EBF3: variants seen among roughly 807,000 people sequenced by gnomAD.
The protein encoded by EBF3 is EBF transcription factor 3, also known as transcription factor COE3.
Under a neutral mutation model 77.1 loss-of-function variants are expected in EBF3, and 18 were observed. That is an observed-to-expected ratio of 0.23 (90% CI 0.16 to 0.35). EBF3 has a LOEUF of 0.35. Ranked by LOEUF, EBF3 falls within the 10% of genes least tolerant of loss-of-function variation. EBF3 has a pLI of 1.00. For missense variants in EBF3, 558 were observed against 860.0 expected, an observed-to-expected ratio of 0.65 and a Z score of 4.39; for synonymous variants, 350 against 343.5, an observed-to-expected ratio of 1.02 and a Z score of -0.21.
At chr10:129,923,914 A>G (rs1856473408) in intron 6 of EBF3, among the ~76,000 whole-genome samples, 1 of 152,222 alleles carries the variant, frequency 6.6e-6, no homozygotes, top group South Asian at 2.1e-4. Context: ...TTTATCCAGA[A>G]TATAGAGAGA....
intron 4 of EBF3, 139 bp from the exon 5 acceptor site, chr10:129,959,146 CCCT>C (rs1859276843): frequency 1.9e-6 from 2 of 1,042,786 alleles, no homozygotes; most frequent in Non-Finnish European, 2.8e-6. Context: ...CCCTCGGCCA[CCCT>C]CCCGATGGGG....
Position 129,837,973 on chromosome 10 carries a change from AG to A in EBF3, c.1873-14del. ...AGCCCAGACATAGCTGCAAGACAGA[AG>A]GACAGAGCAGTTACTGCAGGCTCCC... On this transcript the variant is annotated splice_polypyrimidine_tract_variant and intron_variant, in intron 16 of 16. Transcript: ENST00000440978. 6.2e-7 allele frequency: 1 copy of A among 1,614,050 alleles called. No homozygotes were observed. Among genetic ancestry groups the A allele is most frequent in the Non-Finnish European group, 8.5e-7 (1 of 1,179,978 alleles).
At chr10:129,905,944 A>T (rs1855114322) in intron 6 of EBF3, among the ~76,000 whole-genome samples, 1 of 152,230 alleles carries the variant, frequency 6.6e-6, no homozygotes, top group Admixed American at 6.5e-5. Context: ...ATACTAGCCG[A>T]GTGTAAATTT....
At chr10:129,958,748 G>C (rs1589961734) in intron 5 of EBF3, among the ~76,000 whole-genome samples, 186 bp downstream of exon 5, 2 of 152,132 alleles carry the variant, frequency 1.3e-5, no homozygotes, top group South Asian at 4.1e-4. Context: ...CGCGTTGATC[G>C]TCAGCGCTGG....
chr10:129,892,537 C>T (rs1184848511), intron 6 of EBF3, among the ~76,000 whole-genome samples: 2 of 152,058 alleles, frequency 1.3e-5, no homozygotes, highest in East Asian at 1.9e-4. Context: ...GAGAGTGAGC[C>T]GTGTTGCATG....
Position 129,848,570 on chromosome 10 carries a change from T to C in EBF3, c.1040-90A>G. The C allele has an allele frequency of 2.2e-6, 3 of 1,376,922 alleles. No homozygotes were observed. The highest frequency in any genetic ancestry group is 2.9e-5 in the African/African-American group (2 of 69,944). 85.3% of individuals were successfully genotyped at this position (1,376,922 alleles called of 1,614,324 possible). A position where few individuals can be genotyped will look rare whatever the true frequency, so the allele number is the denominator to read the frequency against. ...TGCACACTTACAAATAAATGTGTAG[T>C]TCTCCTGCTCTGATGCTCTCTAAGG... On this transcript the variant is annotated intron_variant, in intron 10 of 16. Transcript: ENST00000440978. The surrounding 1 kb of genome is among the most constrained non-coding windows in gnomAD (Gnocchi z 4.4).
intron 8 of EBF3, among the ~76,000 whole-genome samples, chr10:129,871,495 G>A (rs1317076885): frequency 2.6e-5 from 4 of 152,178 alleles, no homozygotes; most frequent in Admixed American, 6.5e-5. Context: ...GAGGCTGCAC[G>A]CAAGCACAGA....
chr10:129,935,075 C>G lies in EBF3; in HGVS notation c.554+22183G>C, dbSNP rs1439293382. On this transcript the variant is annotated intron_variant, in intron 6 of 16. Coordinates refer to ENST00000440978, the MANE Select transcript of EBF3 (RefSeq NM_001375380.1). The surrounding 1 kb of genome is among the most constrained non-coding windows in gnomAD (Gnocchi z 4.2). ...AAATATCTCATGGGATGTACTCATC[C>G]TAACACATTAGCTGTAGCTGGTGGT... Among the ~76,000 whole-genome samples, 2 of 152,142 alleles carry G rather than the reference C, an allele frequency of 1.3e-5. No individual in the cohort carries two copies. Among genetic ancestry groups the G allele is most frequent in the Non-Finnish European group, 2.9e-5 (2 of 68,024 alleles).
intron 6 of EBF3, among the ~76,000 whole-genome samples, chr10:129,953,637 G>A (rs1047558922): frequency 2.6e-5 from 4 of 152,246 alleles, no homozygotes; most frequent in Admixed American, 6.5e-5. Flanking sequence ...CGCTCCCAGC[G>A]CTGCATGGAG....
At chr10:129,899,311 C>T (rs964419616) in intron 6 of EBF3, among the ~76,000 whole-genome samples, 17 of 152,304 alleles carry the variant, frequency 1.1e-4, no homozygotes, top group African/African-American at 3.6e-4. Context: ...CTAAACAATC[C>T]GCTGGCATTT....
At chr10:129,865,976 T>C (rs1185694905) in intron 10 of EBF3, among the ~76,000 whole-genome samples, 2 of 152,154 alleles carry the variant, frequency 1.3e-5, no homozygotes, top group Non-Finnish European at 2.9e-5. Flanking sequence ...CACATGCAGG[T>C]CAAGCCCACA....
chr10:129,872,802 G>A (rs747913276), intron 8 of EBF3, among the ~76,000 whole-genome samples: 1 of 152,206 alleles, frequency 6.6e-6, no homozygotes, highest in Non-Finnish European at 1.5e-5. Flanking sequence ...CTCGGCGCAA[G>A]GCCCACTGTG....
intron 5 of EBF3, among the ~76,000 whole-genome samples, chr10:129,957,797 C>A (rs1859153658): frequency 6.6e-6 from 1 of 152,214 alleles, no homozygotes; most frequent in African/African-American, 2.4e-5. Flanking sequence ...ATCCATCTAT[C>A]ACAAACTTCT....
At position 129,842,330 on chromosome 10, in the gene EBF3, C is replaced by A; in HGVS notation, c.1195-37G>T. 4 of 1,543,500 alleles carry A rather than the reference C, an allele frequency of 2.6e-6. No individual in the cohort carries two copies. The highest frequency in any genetic ancestry group is 1.3e-5 in the South Asian group (1 of 79,948). ...GCAAGTGGGAGCCGGCCTGTCACCC[C>A]AGGCCCGGCCCAGCTGGCCGCACTC... On this transcript the variant is annotated intron_variant, in intron 12 of 16. Coordinates refer to ENST00000440978, the MANE Select transcript of EBF3 (RefSeq NM_001375380.1). The surrounding 1 kb of genome is among the most constrained non-coding windows in gnomAD (Gnocchi z 4.4).
At chr10:129,839,658 GAC>G (rs567220002) in intron 15 of EBF3, among the ~76,000 whole-genome samples, 7 of 152,236 alleles carry the variant, frequency 4.6e-5, no homozygotes, top group Non-Finnish European at 1.0e-4. Context: ...CTTTCCAAAA[GAC>G]AGTGCAGCCC....
intron 6 of EBF3, among the ~76,000 whole-genome samples, chr10:129,936,370 G>A (rs1455720481): frequency 6.6e-6 from 1 of 152,200 alleles, no homozygotes; most frequent in African/African-American, 2.4e-5. Flanking sequence ...CTCTCTCTGG[G>A]GATGATGCCA....
chr10:129,844,723 T>C (rs756230524), intron 11 of EBF3, among the ~76,000 whole-genome samples: 7 of 152,024 alleles, frequency 4.6e-5, no homozygotes. Context: ...ACCTCTGAAA[T>C]TGGTGCCGAC....
At chr10:129,914,093 G>A (rs1855707805) in intron 6 of EBF3, among the ~76,000 whole-genome samples, 2 of 152,190 alleles carry the variant, frequency 1.3e-5, no homozygotes, top group African/African-American at 4.8e-5. Context: ...AATCTGTTGG[G>A]GTGAGGGGTT....
chr10:129,860,074 C>A (rs1851512448), intron 10 of EBF3, among the ~76,000 whole-genome samples: 1 of 152,038 alleles, frequency 6.6e-6, no homozygotes, highest in Non-Finnish European at 1.5e-5. Flanking sequence ...ATGTTATTAT[C>A]CCCGCTTTAT....
Sources: gnomAD v4.1 joint callset for allele counts (sites outside exome capture counted in the v4.1 genomes callset) on GRCh38, gnomAD v4.1.1 for gene constraint, Gnocchi (gnomAD v3.1) non-coding constraint, MANE v1.5 for transcripts, NCBI Gene and HGNC (gene_info 2026-07-23, HGNC 2026-07-21) for gene names.